The following DLG2 variants were observed in gnomAD, a reference collection of about 807,000 sequenced individuals.
DLG2 encodes disks large homolog 2.
Under a neutral mutation model 132.5 loss-of-function variants are expected in DLG2, and 45 were observed. The ratio of observed to expected loss-of-function variants is 0.34; its 90% confidence interval spans 0.27 to 0.44. The LOEUF (loss-of-function observed/expected upper bound fraction) is 0.44. DLG2 is among the 20% of genes least tolerant of loss of function. The pLI is 1.00. For missense variants in DLG2, 1,045 were observed against 1,196.9 expected (o/e 0.87, Z 1.87); for synonymous variants, 424 against 419.6 (o/e 1.01, Z -0.13).
chr11:84,167,478 A>G (rs1346818479), intron 8 of DLG2, among the ~76,000 whole-genome samples: 1 of 152,144 alleles, frequency 6.6e-6, no homozygotes, highest in African/African-American at 2.4e-5. Flanking sequence ...GGATGATGAT[A>G]TAATTTGATT....
intron 21 of DLG2, among the ~76,000 whole-genome samples, chr11:83,507,076 T>C (rs1161141307): frequency 6.6e-6 from 1 of 152,186 alleles, no homozygotes; most frequent in Non-Finnish European, 1.5e-5. Context: ...AGCTTCATTA[T>C]GTTCCTTGGT....
intron 18 of DLG2, among the ~76,000 whole-genome samples, chr11:83,782,882 G>A (rs980079875): frequency 1.3e-5 from 2 of 152,112 alleles, no homozygotes; most frequent in African/African-American, 4.8e-5. Context: ...GTACCTGTGG[G>A]TGCACATGTG....
At chr11:84,905,772 A>G in intron 6 of DLG2, among the ~76,000 whole-genome samples, 1 of 152,144 alleles carries the variant, frequency 6.6e-6, no homozygotes, top group East Asian at 1.9e-4. Context: ...TGTCTCTTAA[A>G]CTTTACAGGT....
intron 6 of DLG2, among the ~76,000 whole-genome samples, chr11:84,977,127 A>G (rs1019099299): frequency 1.3e-5 from 2 of 152,114 alleles, no homozygotes; most frequent in Non-Finnish European, 2.9e-5. Context: ...AGTTGATCCC[A>G]GTCACTCCAA....
At chr11:85,040,621 ACCTCACTCTGT>A (rs1395378645) in intron 6 of DLG2, among the ~76,000 whole-genome samples, 1 of 151,924 alleles carries the variant, frequency 6.6e-6, no homozygotes, top group Non-Finnish European at 1.5e-5. Flanking sequence ...AACTTTTATA[ACCTCACTCTGT>A]TACAGACACC....
intron 6 of DLG2, among the ~76,000 whole-genome samples, chr11:84,740,933 C>A (rs1232245483): frequency 6.6e-6 from 1 of 152,178 alleles, no homozygotes; most frequent in African/African-American, 2.4e-5. Context: ...CTCCACACCA[C>A]TGTGGGCATG....
intron 3 of DLG2, among the ~76,000 whole-genome samples, chr11:85,493,671 G>C (rs906599068): frequency 1.9e-4 from 29 of 149,184 alleles, no homozygotes; most frequent in African/African-American, 7.2e-4. Flanking sequence ...TCCCATGTCA[G>C]AGAGGAGAGA....
At chr11:83,640,547 A>G (rs572539682) in intron 18 of DLG2, among the ~76,000 whole-genome samples, 1 of 152,294 alleles carries the variant, frequency 6.6e-6, no homozygotes, top group South Asian at 2.1e-4. Context: ...TCTTTCATTT[A>G]TTCAGTAAAT....
intron 6 of DLG2, among the ~76,000 whole-genome samples, chr11:84,740,607 G>C (rs1233111845): frequency 6.6e-6 from 1 of 152,104 alleles, no homozygotes; most frequent in East Asian, 1.9e-4. Flanking sequence ...TCCAACACTG[G>C]TGCTCCATCT....
chr11:83,739,699 T>G (rs552177141), intron 18 of DLG2, among the ~76,000 whole-genome samples: 2 of 152,276 alleles, frequency 1.3e-5, no homozygotes, highest in East Asian at 3.9e-4. Context: ...CTCCCTCTAA[T>G]TACAGCTAAA....
chr11:83,877,345 A>G (rs1202238594), intron 15 of DLG2, among the ~76,000 whole-genome samples: 1 of 151,972 alleles, frequency 6.6e-6, no homozygotes, highest in Admixed American at 6.6e-5. Context: ...TTCCTTTACC[A>G]TTTATTTTCC....
chr11:83,972,447 C>T (rs1364120071), intron 12 of DLG2, among the ~76,000 whole-genome samples: 1 of 152,116 alleles, frequency 6.6e-6, no homozygotes, highest in Non-Finnish European at 1.5e-5. Flanking sequence ...CTTTGTTGAT[C>T]CTGCTGCTGT....
At chr11:83,725,966 A>ATT (rs947918881) in intron 18 of DLG2, among the ~76,000 whole-genome samples, 1 of 152,020 alleles carries the variant, frequency 6.6e-6, no homozygotes, top group African/African-American at 2.4e-5. Context: ...CCACCCACTC[A>ATT]TTTTTCCCTG....
intron 6 of DLG2, among the ~76,000 whole-genome samples, chr11:84,901,807 CA>C (rs2090921269): frequency 1.3e-5 from 2 of 151,902 alleles, no homozygotes; most frequent in Non-Finnish European, 1.5e-5. Flanking sequence ...AAGTAGAAAA[CA>C]AACTCTTAAT....
intron 7 of DLG2, among the ~76,000 whole-genome samples, chr11:84,278,515 A>G (rs1469510299): frequency 2.0e-4 from 30 of 152,190 alleles, no homozygotes; most frequent in Non-Finnish European, 4.4e-5. Flanking sequence ...CCCAAACCAG[A>G]TGAAGATATT....
At chr11:84,135,567 G>A (rs2094570786) in intron 9 of DLG2, among the ~76,000 whole-genome samples, 1 of 152,008 alleles carries the variant, frequency 6.6e-6, no homozygotes, top group Non-Finnish European at 1.5e-5. Flanking sequence ...GTTTGAGCAG[G>A]CAGTAGTCAG....
At chr11:85,504,864 T>C (rs1211586435) in intron 3 of DLG2, among the ~76,000 whole-genome samples, 1 of 152,240 alleles carries the variant, frequency 6.6e-6, no homozygotes. Flanking sequence ...GTTCTTCCAT[T>C]TGTTTCATCC....
intron 4 of DLG2, among the ~76,000 whole-genome samples, chr11:85,282,536 A>T (rs2078296223): frequency 6.6e-6 from 1 of 151,910 alleles, no homozygotes; most frequent in African/African-American, 2.4e-5. Context: ...AACACACAAA[A>T]TGCACAAATT....
At chr11:85,423,200 T>G (rs1483566998) in intron 3 of DLG2, among the ~76,000 whole-genome samples, 1 of 152,218 alleles carries the variant, frequency 6.6e-6, no homozygotes, top group Non-Finnish European at 1.5e-5. Flanking sequence ...CTGTAGTGAC[T>G]ATTATCACTC....
Sources: gnomAD v4.1 joint callset for allele counts (sites outside exome capture counted in the v4.1 genomes callset) on GRCh38, gnomAD v4.1.1 for gene constraint, MANE v1.5 for transcripts, NCBI Gene and HGNC (gene_info 2026-07-23, HGNC 2026-07-21) for gene names.